The following CCDC171 variants were observed in gnomAD, a reference collection of about 807,000 sequenced individuals.
The protein encoded by CCDC171 is coiled-coil domain-containing protein 171.
Under a neutral mutation model 168.2 loss-of-function variants are expected in CCDC171, and 177 were observed. The observed-to-expected ratio is 1.05, with a 90% CI of 0.93 to 1.19. CCDC171 has a LOEUF of 1.19. Ranked by LOEUF, CCDC171 falls within the 50% of genes most tolerant of loss-of-function variation. The pLI is 0.00. For missense variants in CCDC171, 1,991 were observed against 1,539.0 expected (o/e 1.29, Z -4.91); for synonymous variants, 687 against 540.8 (o/e 1.27, Z -3.75).
the CCDC171 span, among the ~76,000 whole-genome samples, chr9:16,074,355 C>T: frequency 3.3e-5 from 5 of 152,160 alleles, no homozygotes; most frequent in Non-Finnish European, 7.3e-5. Flanking sequence ...GGGGAGTGGG[C>T]AGAGACAGAG....
downstream of CCDC171, among the ~76,000 whole-genome samples, chr9:15,978,405 G>C (rs1457872634): frequency 6.6e-6 from 1 of 152,138 alleles, no homozygotes; most frequent in Non-Finnish European, 1.5e-5. Context: ...TGTGTGACTG[G>C]TGCACGACAG....
At chr9:16,020,184 G>A (rs1833123329) in intron 3 of CCDC171, among the ~76,000 whole-genome samples, 1 of 152,088 alleles carries the variant, frequency 6.6e-6, no homozygotes, top group Admixed American at 6.5e-5. Context: ...CACAAATTTT[G>A]TTTCATGCAC....
intron 24 of CCDC171, among the ~76,000 whole-genome samples, chr9:15,912,612 T>C (rs546000751): frequency 6.6e-6 from 1 of 152,340 alleles, no homozygotes; most frequent in African/African-American, 2.4e-5. Flanking sequence ...CCTTGTCTTG[T>C]GCTAGTTTTC....
At chr9:15,741,056 G>A (rs1483764338) in intron 16 of CCDC171, among the ~76,000 whole-genome samples, 2 of 151,806 alleles carry the variant, frequency 1.3e-5, no homozygotes, top group African/African-American at 4.8e-5. Context: ...TCTAAATGGG[G>A]TTTTCTCTTC....
At chr9:15,556,822 A>G (rs1398369102) in intron 1 of CCDC171, among the ~76,000 whole-genome samples, 2 of 152,046 alleles carry the variant, frequency 1.3e-5, no homozygotes, top group Admixed American at 1.3e-4. Context: ...GCCCATGCCT[A>G]TGTCCTGAAT....
intron 19 of CCDC171, among the ~76,000 whole-genome samples, chr9:15,778,056 G>T (rs2057429558): frequency 1.3e-5 from 2 of 151,618 alleles, no homozygotes; most frequent in Admixed American, 1.3e-4. Context: ...CCAGCACTTT[G>T]GGAGGCCGAG....
chr9:16,088,549 A>C, the CCDC171 span, among the ~76,000 whole-genome samples: 1 of 152,032 alleles, frequency 6.6e-6, no homozygotes, highest in Non-Finnish European at 1.5e-5. Context: ...AATGTGCAAA[A>C]ATCACAAGCA....
intron 7 of CCDC171, among the ~76,000 whole-genome samples, chr9:15,634,231 A>AT (rs908242151): frequency 6.6e-6 from 1 of 152,040 alleles, no homozygotes; most frequent in Non-Finnish European, 1.5e-5. Flanking sequence ...AATAATTTAA[A>AT]TTTTTTTTAA....
chr9:16,098,018 C>G, the CCDC171 span, among the ~76,000 whole-genome samples: 1 of 152,174 alleles, frequency 6.6e-6, no homozygotes, highest in Non-Finnish European at 1.5e-5. Flanking sequence ...AAATAAGGAG[C>G]TAGTCCGAGC....
chr9:15,775,494 A>G (rs918061323), intron 18 of CCDC171, among the ~76,000 whole-genome samples: 10 of 152,032 alleles, frequency 6.6e-5, no homozygotes, highest in South Asian at 2.1e-4. Flanking sequence ...AATTTTTTGT[A>G]TTTTTAGTAG....
At chr9:15,761,456 C>G (rs1217421667) in intron 18 of CCDC171, among the ~76,000 whole-genome samples, 1 of 152,006 alleles carries the variant, frequency 6.6e-6, no homozygotes, top group Non-Finnish European at 1.5e-5. Context: ...CTTGCTACTC[C>G]AAGTGTGGTC....
intron 7 of CCDC171, among the ~76,000 whole-genome samples, chr9:15,648,416 A>G (rs576846224): frequency 1.3e-5 from 2 of 152,314 alleles, no homozygotes; most frequent in East Asian, 1.9e-4. Flanking sequence ...GGCAGGAGAA[A>G]GAAATAAAGG....
intron 3 of CCDC171, among the ~76,000 whole-genome samples, chr9:16,008,512 T>C (rs1433892552): frequency 3.9e-5 from 6 of 152,180 alleles, no homozygotes; most frequent in Non-Finnish European, 7.4e-5. Flanking sequence ...TTCCAACTGT[T>C]TCCCAAGTCT....
chr9:15,581,375 A>G (rs550084258), intron 4 of CCDC171, among the ~76,000 whole-genome samples: 1 of 152,324 alleles, frequency 6.6e-6, no homozygotes, highest in South Asian at 2.1e-4. Context: ...GTATAGATTG[A>G]ATGCTGTCCC....
At chr9:15,860,961 T>TGTGTGTGTGTGTGTGTGTGA (rs1472834545) in intron 23 of CCDC171, among the ~76,000 whole-genome samples, 17 of 151,556 alleles carry the variant, frequency 1.1e-4, no homozygotes, top group South Asian at 4.2e-4. Context: ...TGTGTGTGTG[T>TGTGTGTGTGTGTGTGTGTGA]GATAATTGTT....
At chr9:15,588,458 G>T in intron 4 of CCDC171, 1 of 286,178 alleles carries the variant, frequency 3.5e-6, no homozygotes, top group Non-Finnish European at 7.2e-6. Context: ...AAGCCAGAGC[G>T]CAAGCCCAAA....
the CCDC171 span, among the ~76,000 whole-genome samples, chr9:16,103,782 G>A: frequency 0.11 from 16,350 of 152,266 alleles, 1,103 homozygotes; most frequent in Non-Finnish European, 0.14. Flanking sequence ...CCTGACAAGC[G>A]GCGAGGGGGG....
At chr9:15,860,777 T>C (rs182645036) in intron 23 of CCDC171, among the ~76,000 whole-genome samples, 1 of 152,096 alleles carries the variant, frequency 6.6e-6, no homozygotes, top group East Asian at 1.9e-4. Context: ...ATTTGGTCTA[T>C]AGTGTTGTTT....
At chr9:15,942,123 A>T (rs963915891) in intron 25 of CCDC171, among the ~76,000 whole-genome samples, 9 of 151,924 alleles carry the variant, frequency 5.9e-5, no homozygotes, top group Admixed American at 2.6e-4. Flanking sequence ...CATTAATTGT[A>T]TCATATTACA....
Sources: allele counts gnomAD v4.1 joint callset (sites outside exome capture counted in the v4.1 genomes callset), GRCh38; gene constraint gnomAD v4.1.1; transcripts MANE v1.5; gene names NCBI Gene and HGNC (gene_info 2026-07-23, HGNC 2026-07-21).